Variants in TENM1 observed in about 807,000 individuals in gnomAD.
TENM1 encodes teneurin transmembrane protein 1.
Under a neutral mutation model 174.8 loss-of-function variants are expected in TENM1, and 35 were observed. That is an observed-to-expected ratio of 0.20 (90% CI 0.15 to 0.27). TENM1 has a LOEUF of 0.27. Ranked by LOEUF, TENM1 falls within the 10% of genes least tolerant of loss-of-function variation. The pLI is 1.00. For synonymous variants in TENM1, 781 were observed against 798.7 expected, an observed-to-expected ratio of 0.98 and a Z score of 0.37; for missense variants, 1,633 against 2,130.1, an observed-to-expected ratio of 0.77 and a Z score of 4.59.
chrX:125,140,759 T>C, the TENM1 span, among the ~76,000 whole-genome samples: 1 of 112,139 alleles, frequency 8.9e-6, no homozygotes, highest in Non-Finnish European at 1.9e-5. Context: ...TAAAAGTTGT[T>C]GCAAAAGTAA....
At chrX:124,443,109 T>TGTGTGTGTGTGTGTG (rs2060928149) in intron 23 of TENM1, among the ~76,000 whole-genome samples, 1 of 92,633 alleles carries the variant, frequency 1.1e-5, no homozygotes, top group Non-Finnish European at 2.1e-5. Flanking sequence ...TGTGTGTGTA[T>TGTGTGTGTGTGTGTG]TTAAAACAAC....
At chrX:124,583,370 C>T (rs1363041243) in intron 11 of TENM1, among the ~76,000 whole-genome samples, 1 of 111,737 alleles carries the variant, frequency 8.9e-6, no homozygotes, top group African/African-American at 3.3e-5. Flanking sequence ...GCACCATTCA[C>T]GGTTCATGAA....
At chrX:124,551,101 G>C (rs887101725) in intron 14 of TENM1, among the ~76,000 whole-genome samples, 4 of 112,493 alleles carry the variant, frequency 3.6e-5, no homozygotes, top group Non-Finnish European at 5.6e-5. Context: ...ACAATCTGTA[G>C]AATCCTAGAC....
At chrX:124,529,064 G>C (rs924680897) in intron 16 of TENM1, among the ~76,000 whole-genome samples, 4 of 111,296 alleles carry the variant, frequency 3.6e-5, no homozygotes, top group African/African-American at 1.3e-4. Flanking sequence ...TTTTGCGTAT[G>C]ATTATTGAAG....
chrX:124,621,645 A>T (rs1461442392), intron 11 of TENM1, among the ~76,000 whole-genome samples: 1 of 112,197 alleles, frequency 8.9e-6, no homozygotes, highest in Non-Finnish European at 1.9e-5. Flanking sequence ...CATCACATGA[A>T]GTCAGGTGTG....
chrX:125,082,971 A>G, the TENM1 span, among the ~76,000 whole-genome samples: 5 of 111,411 alleles, frequency 4.5e-5, no homozygotes, highest in Non-Finnish European at 7.6e-5. Context: ...AAAATGTACA[A>G]TAAATTATAT....
chrX:124,678,749 C>T (rs1222794293), intron 5 of TENM1, among the ~76,000 whole-genome samples: 2 of 111,056 alleles, frequency 1.8e-5, no homozygotes, highest in Non-Finnish European at 3.8e-5. Context: ...TAGTGGCCTA[C>T]AAAATTATCT....
At chrX:124,484,434 G>A (rs1477053911) in intron 21 of TENM1, among the ~76,000 whole-genome samples, 1 of 111,898 alleles carries the variant, frequency 8.9e-6, no homozygotes, top group African/African-American at 3.2e-5. Flanking sequence ...CTCCTTGAGG[G>A]TGGAGTATCT....
chrX:125,142,332 G>A, the TENM1 span, among the ~76,000 whole-genome samples: 1 of 111,079 alleles, frequency 9.0e-6, no homozygotes. Context: ...GTCAATGATC[G>A]ATGATTTTAA....
At chrX:125,108,393 GATA>G in the TENM1 span, among the ~76,000 whole-genome samples, 1 of 111,426 alleles carries the variant, frequency 9.0e-6, no homozygotes, top group African/African-American at 3.3e-5. Flanking sequence ...ATTAAATAGG[GATA>G]ATAATATTTC....
At chrX:124,842,525 T>A (rs1321036636) in intron 3 of TENM1, among the ~76,000 whole-genome samples, 7 of 111,435 alleles carry the variant, frequency 6.3e-5, no homozygotes, top group Admixed American at 9.5e-5. Context: ...TAACAGACAT[T>A]TACTTTCTCA....
chrX:124,883,691 G>C (rs1046908269), intron 3 of TENM1, among the ~76,000 whole-genome samples: 1 of 112,267 alleles, frequency 8.9e-6, no homozygotes, highest in East Asian at 2.8e-4. Flanking sequence ...ATCTGTGCTT[G>C]TGTTGGCAGT....
the TENM1 span, among the ~76,000 whole-genome samples, chrX:125,193,845 T>G: frequency 1.8e-5 from 2 of 111,430 alleles, no homozygotes; most frequent in African/African-American, 3.3e-5. Context: ...CATGGTGCAA[T>G]CATGGCTCAC....
chrX:124,921,101 AAC>A (rs2058013995), intron 1 of TENM1, among the ~76,000 whole-genome samples: 1 of 108,651 alleles, frequency 9.2e-6, no homozygotes, highest in Non-Finnish European at 1.9e-5. Context: ...TGACTTTATG[AAC>A]AGAGGTCAAG....
At chrX:125,066,083 T>C in the TENM1 span, among the ~76,000 whole-genome samples, 1 of 111,517 alleles carries the variant, frequency 9.0e-6, no homozygotes, top group Non-Finnish European at 1.9e-5. Context: ...TGTGAAGAAA[T>C]TGGTGGAAAG....
At chrX:124,802,057 C>T (rs2055467675) in intron 3 of TENM1, among the ~76,000 whole-genome samples, 1 of 111,254 alleles carries the variant, frequency 9.0e-6, no homozygotes, top group African/African-American at 3.3e-5. Flanking sequence ...TTAGAACATG[C>T]TCCTTTAGCT....
At chrX:125,188,815 T>C in the TENM1 span, among the ~76,000 whole-genome samples, 2 of 112,206 alleles carry the variant, frequency 1.8e-5, no homozygotes, top group East Asian at 5.6e-4. Context: ...CTGATGTGCA[T>C]TTTTCATCAC....
the TENM1 span, among the ~76,000 whole-genome samples, chrX:125,115,797 A>T: frequency 9.0e-6 from 1 of 111,533 alleles, no homozygotes; most frequent in East Asian, 2.8e-4. Context: ...CAATATCTTG[A>T]AAATGGCCAT....
intron 6 of TENM1, among the ~76,000 whole-genome samples, chrX:124,666,162 A>C (rs1306558691): frequency 8.9e-6 from 1 of 111,847 alleles, no homozygotes; most frequent in Non-Finnish European, 1.9e-5. Flanking sequence ...ATTGTGCAGG[A>C]TGAATTTAAA....
Sources: allele counts gnomAD v4.1 joint callset (sites outside exome capture counted in the v4.1 genomes callset), GRCh38; gene constraint gnomAD v4.1.1; transcripts MANE v1.5; gene names NCBI Gene and HGNC (gene_info 2026-07-23, HGNC 2026-07-21).